The following DAB1 variants were observed in gnomAD, a reference collection of about 807,000 sequenced individuals.
DAB1 encodes the protein disabled homolog 1.
DAB1 carries 15 observed loss-of-function variants against 64.6 expected under a neutral mutation model. The observed-to-expected ratio is 0.23, with a 90% CI of 0.16 to 0.36. The LOEUF is 0.36. Among genes scored for constraint, DAB1 ranks in the 10% least tolerant of loss-of-function variants. The probability of loss-of-function intolerance (pLI) is 1.00; values close to 1 mark genes in which losing one functional copy is unlikely to be tolerated. For missense variants in DAB1, 596 were observed against 706.7 expected (o/e 0.84, Z 1.78); for synonymous variants, 235 against 251.9 (o/e 0.93, Z 0.64).
At chr1:58,042,815 G>A (rs149588653) in intron 5 of DAB1, among the ~76,000 whole-genome samples, 1 of 152,290 alleles carries the variant, frequency 6.6e-6, no homozygotes, top group African/African-American at 2.4e-5. Flanking sequence ...TATCTTGAAG[G>A]CAAGGGGCAC....
At chr1:57,386,587 C>T (rs1681878874) in intron 1 of DAB1, 1 of 152,092 alleles carries the variant, frequency 6.6e-6, no homozygotes, top group Non-Finnish European at 1.5e-5. Context: ...GGATCAACTC[C>T]TTCACTTTGC....
At chr1:57,798,702 A>C (rs1017657548) in intron 6 of DAB1, among the ~76,000 whole-genome samples, 1 of 152,356 alleles carries the variant, frequency 6.6e-6, no homozygotes, top group Middle Eastern at 3.4e-3. Flanking sequence ...GAAATGTTTT[A>C]ATATGATAAG....
At chr1:57,610,036 C>T (rs1187003503) in intron 7 of DAB1, among the ~76,000 whole-genome samples, 1 of 152,210 alleles carries the variant, frequency 6.6e-6, no homozygotes, top group Non-Finnish European at 1.5e-5. Flanking sequence ...TGCTGGCATG[C>T]TGCTCCCTGT....
intron 2 of DAB1, among the ~76,000 whole-genome samples, chr1:57,286,413 A>T (rs1672320653): frequency 6.6e-6 from 1 of 152,208 alleles, no homozygotes; most frequent in East Asian, 1.9e-4. Context: ...TAGGAAACAC[A>T]CTAATGTCAA....
chr1:57,574,921 T>C (rs1229903546), intron 7 of DAB1, among the ~76,000 whole-genome samples: 1 of 152,226 alleles, frequency 6.6e-6, no homozygotes, highest in Non-Finnish European at 1.5e-5. Flanking sequence ...TTCTTTCTGA[T>C]TCAATCTCTA....
chr1:57,693,555 C>T (rs1004819764), intron 6 of DAB1, among the ~76,000 whole-genome samples: 1 of 152,172 alleles, frequency 6.6e-6, no homozygotes, highest in Admixed American at 6.6e-5. Flanking sequence ...AAATAAGGGA[C>T]TAAAAGCTGG....
At position 57,677,795 on chromosome 1, in the gene DAB1, C is replaced by T. The variant is rs147089253; in HGVS notation, n.552-28130G>A. Among the ~76,000 whole-genome samples the T allele has an allele frequency of 5.3e-4, 80 of 152,262 alleles. 1 individual carries two copies. The highest frequency in any genetic ancestry group is 5.2e-3 in the East Asian group (27 of 5,172). ...ATATGGATTGAATGCTCATTCTTTGCAAGGTACTGTTATTCATTGGGAGCA... is the reference window on the plus strand; with the variant it reads ...ATATGGATTGAATGCTCATTCTTTGTAAGGTACTGTTATTCATTGGGAGCA... On this transcript the variant is annotated intron_variant and non_coding_transcript_variant, in intron 6 of 20. Coordinates refer to the DAB1 transcript ENST00000485760.
chr1:58,506,197 T>C (rs763642012), exon 3 of DAB1: 3 of 870,246 alleles, frequency 3.4e-6, no homozygotes, highest in Admixed American at 1.7e-5. Context: ...CTGGCTCTTA[T>C]GTCTGCACAA....
At chr1:57,739,468 T>TCCCCTCCCCTCCCCTTCCCTCCCCC (rs1647869331) in intron 6 of DAB1, among the ~76,000 whole-genome samples, 1 of 24,890 alleles carries the variant, frequency 4.0e-5, no homozygotes, top group Admixed American at 5.7e-4. Flanking sequence ...TTCCCTCCCC[T>TCCCCTCCCCTCCCCTTCCCTCCCCC]CCCCTCCCCT....
chr1:57,193,712 T>C (rs1430649446), intron 2 of DAB1, among the ~76,000 whole-genome samples: 11 of 152,328 alleles, frequency 7.2e-5, no homozygotes, highest in Non-Finnish European at 8.8e-5. Context: ...ACTTTTTCTA[T>C]TGGTTTTTAG....
intron 1 of DAB1, among the ~76,000 whole-genome samples, chr1:57,393,046 A>G (rs1053181952): frequency 6.6e-6 from 1 of 152,210 alleles, no homozygotes; most frequent in Non-Finnish European, 1.5e-5. Flanking sequence ...TTTAAATGAA[A>G]GTAAACATTG....
At chr1:57,021,322 G>A (rs1646611373) in intron 11 of DAB1, among the ~76,000 whole-genome samples, 1 of 152,162 alleles carries the variant, frequency 6.6e-6, no homozygotes, top group Admixed American at 6.5e-5. Context: ...TCTGGTACAG[G>A]TTTGAAAGAG....
At chr1:57,489,554 C>T (rs1335936621) in intron 7 of DAB1, among the ~76,000 whole-genome samples, 1 of 152,200 alleles carries the variant, frequency 6.6e-6, no homozygotes, top group African/African-American at 2.4e-5. Flanking sequence ...TCAACAATGA[C>T]CCCTGTGGTT....
At chr1:57,444,357 T>A (rs2101139516) in intron 7 of DAB1, among the ~76,000 whole-genome samples, 1 of 152,306 alleles carries the variant, frequency 6.6e-6, no homozygotes, top group East Asian at 1.9e-4. Flanking sequence ...AATGATTAAA[T>A]TTTACAGTTA....
chr1:57,024,207 C>T (rs1646713408), intron 10 of DAB1, among the ~76,000 whole-genome samples: 1 of 151,146 alleles, frequency 6.6e-6, no homozygotes, highest in African/African-American at 2.4e-5. Context: ...CCAGATTTTG[C>T]CTGAATCTTC....
intron 3 of DAB1, among the ~76,000 whole-genome samples, chr1:57,141,192 G>A (rs150402246): frequency 6.6e-6 from 1 of 152,216 alleles, no homozygotes; most frequent in Non-Finnish European, 1.5e-5. Context: ...ATTTTTCCCA[G>A]TTAAAAAGGG....
rs928069373 is a variant in DAB1 at position 57,818,172 on chromosome 1, G to C, written n.551+65827C>G. ...TATAGAGTGTGAGGGGTGTTATAATGATGGTCAGTACATGTCAAGACATGG... is the reference window on the plus strand; with the variant it reads ...TATAGAGTGTGAGGGGTGTTATAATCATGGTCAGTACATGTCAAGACATGG... On this transcript the variant is annotated intron_variant and non_coding_transcript_variant, in intron 6 of 20. Transcript: ENST00000485760. Among the ~76,000 whole-genome samples, 67 of 152,234 alleles carry C rather than the reference G, an allele frequency of 4.4e-4. 1 individual carries two copies. The highest frequency in any genetic ancestry group is 1.5e-3 in the African/African-American group (63 of 41,524).
At chr1:57,437,031 G>A (rs1311644970) in intron 7 of DAB1, among the ~76,000 whole-genome samples, 7 of 42,254 alleles carry the variant, frequency 1.7e-4, no homozygotes, top group African/African-American at 4.0e-4. Flanking sequence ...GCAAGACTCC[G>A]TCTCAAAAAA....
chr1:58,171,362 T>C (rs1318519659), intron 4 of DAB1, among the ~76,000 whole-genome samples: 2 of 152,156 alleles, frequency 1.3e-5, no homozygotes, highest in East Asian at 3.9e-4. Flanking sequence ...TGTTAAACAT[T>C]TAAAAGCTCA....
Sources: gnomAD v4.1 joint callset for allele counts (sites outside exome capture counted in the v4.1 genomes callset) on GRCh38, gnomAD v4.1.1 for gene constraint, MANE v1.5 for transcripts, NCBI Gene and HGNC (gene_info 2026-07-23, HGNC 2026-07-21) for gene names.